Variants in FN3K observed in about 807,000 individuals in gnomAD.
FN3K encodes fructosamine 3 kinase, also known as fructosamine-3-kinase.
In FN3K, 24 loss-of-function variants were observed where a neutral mutation model predicts 24.8. The ratio of observed to expected loss-of-function variants is 0.97; its 90% CI spans 0.70 to 1.36. The LOEUF (loss-of-function observed/expected upper bound fraction) is 1.36, where lower values mean the gene tolerates loss of function less well. Ranked by LOEUF, FN3K falls within the 40% of genes most tolerant of loss-of-function variation. FN3K has a pLI of 0.00. For synonymous variants in FN3K, 192 were observed against 175.2 expected (o/e 1.10, Z -0.76); for missense variants, 449 against 416.7 (o/e 1.08, Z -0.67).
chr17:82,740,610 AAAAG>A (rs2046935936), intron 2 of FN3K, among the ~76,000 whole-genome samples, 149 bp from the exon 3 acceptor site: 1 of 152,192 alleles, frequency 6.6e-6, no homozygotes, highest in Admixed American at 6.5e-5. Context: ...AAGAAAAAGC[AAAAG>A]AAAGAGTCAT....
intron 4 of FN3K, among the ~76,000 whole-genome samples, chr17:82,743,442 C>A (rs554660314): frequency 6.6e-6 from 1 of 152,142 alleles, no homozygotes; most frequent in Non-Finnish European, 1.5e-5. Context: ...TGTTGTGCCT[C>A]GGACAGCACC....
chr17:82,738,437 C>T, intron 1 of FN3K, 52 bp from the exon 2 acceptor site: 2 of 1,609,810 alleles, frequency 1.2e-6, no homozygotes, highest in Non-Finnish European at 8.5e-7. Flanking sequence ...GCCCAGTGGG[C>T]AGAGGCCCTG....
intron 4 of FN3K, among the ~76,000 whole-genome samples, chr17:82,746,570 G>A (rs973878279): frequency 1.4e-4 from 22 of 152,148 alleles, no homozygotes; most frequent in African/African-American, 5.1e-4. Flanking sequence ...GGAGGCCGAG[G>A]TGGGCAGATC....
chr17:82,738,492 C>A lies in FN3K; in HGVS notation c.145C>A (p.Arg49=), dbSNP rs756340194. The A allele has an allele frequency of 9.3e-6, 15 of 1,611,974 alleles. 1 individual carries two copies. In the African/African-American group the frequency reaches 1.1e-4, roughly 11 times the overall value. ...FVKVNRRTQA[R]QMFEGEVASL... is the part of the protein sequence containing the mutation. ...CAAGGCTGTGTTCTGGATGCAGGCC[C>A]GGCAGATGTTTGAGGGGGAGGTGGC... The change falls in exon 2 of 6, where the codon CGG becomes AGG. Residue 49 remains arginine (R), a synonymous_variant. Transcript: ENST00000300784.
Position 82,738,637 on chromosome 17 carries a change from G to GC in FN3K, c.291dup (p.Ser98GlnfsTer36). Reference sequence around the variant, plus strand: ...GAGCATTTGAAGATGAAGAGCTTGAGCAGGTGAGTGTGTGTGAGACCCATA... The same window carrying GC: ...GAGCATTTGAAGATGAAGAGCTTGAGCCAGGTGAGTGTGTGTGAGACCCATA... On this transcript the variant is annotated frameshift_variant, in exon 2 of 6. Transcript: ENST00000300784. LOFTEE classifies it high-confidence loss of function. 6.2e-7 allele frequency: 1 copy of GC among 1,613,974 alleles called. No individual in the cohort carries two copies. The highest frequency in any genetic ancestry group is 8.5e-7 in the Non-Finnish European group (1 of 1,179,976).
At position 82,740,819 on chromosome 17, in the gene FN3K, T is replaced by C. The variant is rs1226844459; in HGVS notation, c.350T>C (p.Leu117Pro). Residue 117 changes from leucine to proline, a missense_variant, in exon 3 of 6, where the codon CTC becomes CCC. Coordinates refer to ENST00000300784, the MANE Select transcript of FN3K (RefSeq NM_022158.4). The part of the protein sequence containing the change: ...MADLHLYNQK[L>P]REKLKEEENT... ...GATTTGCATCTTTACAACCAGAAGC[T>C]CAGGGAGAAGTTGAAGGAGGAGGAG... 6.2e-7 allele frequency: 1 copy of C among 1,613,534 alleles called. No homozygotes were observed. Among genetic ancestry groups the C allele is most frequent in the Non-Finnish European group, 8.5e-7 (1 of 1,179,746 alleles).
In FN3K at chr17:82,750,434, GT is replaced by G; in HGVS notation, c.613del (p.Cys205ValfsTer3). 6.2e-7 allele frequency: 1 copy of G among 1,614,172 alleles called. No individual in the cohort carries two copies. Among genetic ancestry groups the G allele is most frequent in the Non-Finnish European group, 8.5e-7 (1 of 1,180,026 alleles). On this transcript the variant is annotated frameshift_variant, in exon 6 of 6. Transcript: ENST00000300784. LOFTEE classifies it low-confidence loss of function (END_TRUNC). ...SRLQVKIPDL[F>X]CGLEIVPALL... ...TCTCGTAGGTGAAGATCCCGGATCT[GT>G]TTTGTGGCCTAGAGATTGTCCCCGC...
At chr17:82,749,985 G>A (rs2046992059) in intron 5 of FN3K, 1 of 210,426 alleles carries the variant, frequency 4.8e-6, no homozygotes, top group Non-Finnish European at 9.8e-6. Context: ...TTGAATCCGG[G>A]AGGCGGAGGT....
rs1252677171 is a variant in FN3K, at chr17:82,735,715, G to A, written c.79G>A (p.Glu27Lys). 6.4e-7 allele frequency: 1 copy of A among 1,553,118 alleles called. No homozygotes were observed. The highest frequency in any genetic ancestry group is 1.4e-5 in the African/African-American group (1 of 73,578). ...CGGCCCCGGCGCCGGCTGCATCAGC[G>A]AGGGCCGAGCCTACGACACGGACGC... ...FGGPGAGCIS[E>K]GRAYDTDAGP... The change falls in exon 1 of 6, where the codon GAG becomes AAG. Residue 27 changes from glutamate (E) to lysine (K), a missense_variant. Glu to Lys is a moderately conservative substitution (Grantham distance 56). Coordinates refer to ENST00000300784, the MANE Select transcript of FN3K (RefSeq NM_022158.4).
intron 2 of FN3K, among the ~76,000 whole-genome samples, chr17:82,739,737 G>A (rs936082173): frequency 1.3e-5 from 2 of 152,096 alleles, no homozygotes; most frequent in Non-Finnish European, 2.9e-5. Context: ...GATTATAGGC[G>A]TGAGCCACCG....
intron 4 of FN3K, among the ~76,000 whole-genome samples, chr17:82,748,152 TTC>T (rs2046979027): frequency 6.6e-6 from 1 of 151,944 alleles, no homozygotes; most frequent in South Asian, 2.1e-4. Flanking sequence ...CTTTTTTTTT[TTC>T]TTTTTTTTTT....
intron 1 of FN3K, chr17:82,736,004 T>A: frequency 1.8e-6 from 1 of 563,474 alleles, no homozygotes; most frequent in Non-Finnish European, 3.0e-6. Flanking sequence ...CACAGGCTTC[T>A]AGGGGTGGTT....
chr17:82,750,825 CGTCCCTGTGCCCCCGTCCCT>C lies in FN3K; in HGVS notation c.*76_*95del. On this transcript the variant is annotated 3_prime_UTR_variant, in exon 6 of 6. Transcript: ENST00000300784. ...TCCCCGTCCCTGTCCCCCCGTCCCC[CGTCCCTGTGCCCCCGTCCCT>C]GTCCCCCTGTTCCCGTCTCCCCGTC... The C allele has an allele frequency of 8.0e-7, 1 of 1,246,868 alleles. No individual in the cohort carries two copies. Among genetic ancestry groups the C allele is most frequent in the Non-Finnish European group, 1.1e-6 (1 of 911,884 alleles). The allele number at this position is 1,246,868 out of a possible 1,614,324, so 77.2% of individuals were successfully genotyped here. A position where few individuals can be genotyped will look rare whatever the true frequency, so the allele number is the denominator to read the frequency against.
At chr17:82,745,829 C>T (rs2046965420) in intron 4 of FN3K, 1 of 152,186 alleles carries the variant, frequency 6.6e-6, no homozygotes, top group South Asian at 2.1e-4. Context: ...TGGGGTGGCT[C>T]ACACTTGTAA....
At chr17:82,736,046 TGTGAGGCTTGGG>T (rs1462747509) in intron 1 of FN3K, 1 of 434,876 alleles carries the variant, frequency 2.3e-6, no homozygotes, top group Admixed American at 4.0e-5. Flanking sequence ...CGTCGGGGGA[TGTGAGGCTTGGG>T]GTCCTTGGCT....
chr17:82,742,689 T>C (rs1568069010), intron 4 of FN3K: 1 of 456,242 alleles, frequency 2.2e-6, no homozygotes, highest in East Asian at 6.9e-5. Flanking sequence ...AAAGAAGACT[T>C]TGGACAGCCC....
At chr17:82,736,995 C>G (rs1200719226) in intron 1 of FN3K, among the ~76,000 whole-genome samples, 1 of 152,162 alleles carries the variant, frequency 6.6e-6, no homozygotes, top group African/African-American at 2.4e-5. Flanking sequence ...TGCTGGGGCC[C>G]CTGGGGCTTA....
At chr17:82,739,742 C>T (rs1345122287) in intron 2 of FN3K, among the ~76,000 whole-genome samples, 1 of 152,156 alleles carries the variant, frequency 6.6e-6, no homozygotes, top group East Asian at 1.9e-4. Flanking sequence ...TAGGCGTGAG[C>T]CACCGCGCCC....
chr17:82,749,596 G>A (rs1034044287), intron 5 of FN3K: 18 of 170,990 alleles, frequency 1.1e-4, no homozygotes, highest in South Asian at 4.3e-4. Context: ...CCCGGGAGGC[G>A]GAGGCTGCAG....
Sources: gnomAD v4.1 joint callset for allele counts (sites outside exome capture counted in the v4.1 genomes callset) on GRCh38, gnomAD v4.1.1 for gene constraint, MANE v1.5 for transcripts, NCBI Gene and HGNC (gene_info 2026-07-23, HGNC 2026-07-21) for gene names.